The following RBM4B variants were observed in gnomAD, a reference collection of about 807,000 sequenced individuals.
RBM4B encodes the protein RNA-binding protein 4B.
Under a neutral mutation model 28.5 loss-of-function variants are expected in RBM4B, and 13 were observed. That is an observed-to-expected ratio of 0.46 (90% confidence interval 0.30 to 0.72). RBM4B has a LOEUF of 0.72. Ranked by LOEUF, RBM4B falls within the 30% of genes least tolerant of loss-of-function variation. The pLI, the probability that RBM4B is intolerant of heterozygous loss-of-function variation, is 0.09. For missense variants in RBM4B, 387 were observed against 477.6 expected, an observed-to-expected ratio of 0.81 and a Z score of 1.77; for synonymous variants, 167 against 179.1, an observed-to-expected ratio of 0.93 and a Z score of 0.54.
chr11:66,674,509 G>A (rs1939579996), intron 2 of RBM4B, among the ~76,000 whole-genome samples: 1 of 151,496 alleles, frequency 6.6e-6, no homozygotes, highest in African/African-American at 2.4e-5. Context: ...TTACAGGCGT[G>A]AGCCACAGCA....
chr11:66,674,685 A>C (rs1454727518), intron 2 of RBM4B, among the ~76,000 whole-genome samples: 1 of 151,668 alleles, frequency 6.6e-6, no homozygotes, highest in Non-Finnish European at 1.5e-5. Flanking sequence ...CTCCTGTCTC[A>C]GCCTCCCGAG....
At chr11:66,672,330 A>C (rs151312954) in intron 2 of RBM4B, among the ~76,000 whole-genome samples, 1,987 of 148,824 alleles carry the variant, frequency 0.013, 50 homozygotes, top group African/African-American at 0.046. Context: ...GAATCACTTG[A>C]ACCCGGGAGG....
chr11:66,673,827 G>A (rs1193552601), intron 2 of RBM4B, among the ~76,000 whole-genome samples: 3 of 152,138 alleles, frequency 2.0e-5, no homozygotes, highest in African/African-American at 7.2e-5. Context: ...ATTGAAACGT[G>A]TCAAACTGGT....
At chr11:66,668,328 T>G in intron 3 of RBM4B, 1 of 328,132 alleles carries the variant, frequency 3.0e-6, no homozygotes, top group Non-Finnish European at 5.6e-6. Context: ...TCAAATGTTT[T>G]TCTGTAACCC....
At position 66,669,123 on chromosome 11, in the gene RBM4B, T is replaced by C. The variant is rs752459002; in HGVS notation, c.581A>G (p.Tyr194Cys). The stretch of plus-strand genomic sequence containing the variant: ...GGTGTAAGGTGTTCGAACTGCTCCA[T>C]ATTGTTCATTATACTGCTCAGTAAA... Reference protein sequence around the residue: ...ADFTEQYNEQYGAVRTPYTMG... With the variant: ...ADFTEQYNEQCGAVRTPYTMG... Residue 194 changes from tyrosine to cysteine, a missense_variant, in exon 3 of 4, where the codon TAT (tyrosine) becomes TGT (cysteine). Physicochemically the swap from Tyr to Cys is radical, Grantham distance 194. Coordinates refer to ENST00000310046, the MANE Select transcript of RBM4B (RefSeq NM_031492.4). The C allele has an allele frequency of 5.6e-6, 9 of 1,614,186 alleles. No homozygotes were observed. In the East Asian group the frequency reaches 1.8e-4, roughly 32 times the overall value.
intron 3 of RBM4B, chr11:66,667,592 T>A (rs910945692): frequency 1.5e-4 from 23 of 152,098 alleles, no homozygotes; most frequent in African/African-American, 5.6e-4. Flanking sequence ...AACTTTCAAG[T>A]AAATGTCTTG....
rs1012711808 is a variant in RBM4B, at chr11:66,665,677, A to G, written c.*10-99T>C. On this transcript the variant is annotated intron_variant, in intron 3 of 3. Coordinates refer to ENST00000310046, the MANE Select transcript of RBM4B (RefSeq NM_031492.4). ...GGTCCTGTCCTGTATTCCGGGGGGA[A>G]AAAAAAGAACAAAACAAAACCAAGT... The G allele has an allele frequency of 5.3e-6, 8 of 1,515,110 alleles. No individual in the cohort carries two copies. The East Asian group carries it at 1.2e-4, about 23-fold the overall frequency. The allele number at this position is 1,515,110 out of a possible 1,614,324, so 93.9% of individuals were successfully genotyped here.
At chr11:66,677,117 A>C in intron 1 of RBM4B, 26 bp from the exon 2 acceptor site, 1 of 1,599,542 alleles carries the variant, frequency 6.3e-7, no homozygotes, top group Non-Finnish European at 8.5e-7. Context: ...AAGACTTCAA[A>C]AGTCAGGGGT....
At chr11:66,670,187 TG>T (rs1197053722) in intron 2 of RBM4B, among the ~76,000 whole-genome samples, 24 of 152,270 alleles carry the variant, frequency 1.6e-4, no homozygotes, top group African/African-American at 7.2e-5. Flanking sequence ...CTAGTATCTC[TG>T]GGAGTTATAA....
In RBM4B at chr11:66,668,720, T is replaced by C. The variant is rs1387597280; in HGVS notation, c.984A>G (p.Leu328=). The C allele has an allele frequency of 1.2e-6, 2 of 1,613,926 alleles. No individual in the cohort carries two copies. Among genetic ancestry groups the C allele is most frequent in the African/African-American group, 1.3e-5 (1 of 74,924 alleles). ...TCCGTGTAGCTGCGGAAGCCTGAGA[T>C]AATTCACTCTCTGGCCCATAACCGT... ...EGYGYGPESE[L]SQASAATRNS... Residue 328 remains leucine (L), a synonymous_variant, in exon 3 of 4, where the codon TTA becomes TTG. Transcript: ENST00000310046.
chr11:66,670,737 G>C (rs983094084), intron 2 of RBM4B, among the ~76,000 whole-genome samples: 2 of 152,030 alleles, frequency 1.3e-5, no homozygotes. Context: ...GAACCTGGGA[G>C]GTGGAGGTTG....
intron 2 of RBM4B, among the ~76,000 whole-genome samples, chr11:66,669,730 G>A (rs1309425661): frequency 6.6e-6 from 1 of 152,252 alleles, no homozygotes; most frequent in Non-Finnish European, 1.5e-5. Flanking sequence ...ACAGGCATGC[G>A]CCATTGCGCC....
intron 2 of RBM4B, among the ~76,000 whole-genome samples, chr11:66,673,830 A>C (rs1939548847): frequency 6.6e-6 from 1 of 152,212 alleles, no homozygotes. Context: ...GAAACGTGTC[A>C]AACTGGTATC....
rs748998928 is a variant in RBM4B, at chr11:66,668,921, G to A, written c.783C>T (p.Ser261=). ...GATCAACAGAAGTAGAGTTGAGGTG[G>A]CTGGTCACAGTTGTGCTTTGGACTT... ...LPQVQSTTVT[S]HLNSTSVDPY... Residue 261 remains serine (S), a synonymous_variant, in exon 3 of 4, where the codon AGC becomes AGT. Coordinates refer to ENST00000310046, the MANE Select transcript of RBM4B (RefSeq NM_031492.4). The A allele has an allele frequency of 2.2e-5, 35 of 1,614,060 alleles. No individual in the cohort carries two copies. The East Asian group carries it at 7.8e-4, about 36-fold the overall frequency.
intron 2 of RBM4B, among the ~76,000 whole-genome samples, chr11:66,675,392 T>G (rs1302183582): frequency 1.3e-5 from 2 of 152,208 alleles, no homozygotes; most frequent in Non-Finnish European, 2.9e-5. Context: ...TAGTTAATGG[T>G]AGGAAGTATC....
chr11:66,669,203 T>C lies in RBM4B; in HGVS notation c.501A>G (p.Lys167=), dbSNP rs1324468130. The C allele has an allele frequency of 4.3e-6, 7 of 1,614,214 alleles. No individual in the cohort carries two copies. The highest frequency in any genetic ancestry group is 5.1e-6 in the Non-Finnish European group (6 of 1,180,048). Residue 167 remains lysine, a synonymous_variant, in exon 3 of 4, where the codon AAA becomes AAG. Transcript: ENST00000310046. The part of the protein sequence containing the change: ...GDQSGCYRCG[K]EGHWSKECPV... Reference sequence around the variant, plus strand: ...GGCACTCTTTGGACCAGTGCCCTTCTTTCCCACACCGATAGCAGCCACTCT... The same window carrying C: ...GGCACTCTTTGGACCAGTGCCCTTCCTTCCCACACCGATAGCAGCCACTCT...
intron 2 of RBM4B, among the ~76,000 whole-genome samples, chr11:66,671,988 C>T (rs1374434175): frequency 1.3e-5 from 2 of 151,890 alleles, no homozygotes; most frequent in South Asian, 2.1e-4. Flanking sequence ...ACTTCGTGAT[C>T]CACCCGCCTC....
At chr11:66,677,580 A>G (rs968046661) in intron 1 of RBM4B, 184 bp downstream of exon 1, 2 of 157,936 alleles carry the variant, frequency 1.3e-5, no homozygotes, top group Non-Finnish European at 2.8e-5. Context: ...CTTCGCCCCA[A>G]CAAAGACTCG....
intron 3 of RBM4B, chr11:66,665,861 A>G: frequency 2.0e-6 from 3 of 1,531,366 alleles, no homozygotes; most frequent in South Asian, 1.2e-5. Flanking sequence ...TTTAGGCAAG[A>G]TAACCCCTGT....
Sources: allele counts gnomAD v4.1 joint callset (sites outside exome capture counted in the v4.1 genomes callset), GRCh38; gene constraint gnomAD v4.1.1; transcripts MANE v1.5; gene names NCBI Gene and HGNC (gene_info 2026-07-23, HGNC 2026-07-21).